Variants in MTUS2 observed in about 807,000 individuals in gnomAD.
MTUS2 encodes microtubule-associated tumor suppressor candidate 2.
A neutral mutation model predicts 114.1 loss-of-function variants in MTUS2; 40 were observed. That is an observed-to-expected ratio of 0.35 (90% CI 0.27 to 0.46). The LOEUF is 0.46. Ranked by LOEUF, MTUS2 falls within the 20% of genes least tolerant of loss-of-function variation. The pLI is 1.00. For synonymous variants in MTUS2, 688 were observed against 672.0 expected, an observed-to-expected ratio of 1.02 and a Z score of -0.37; for missense variants, 1,679 against 1,705.4, an observed-to-expected ratio of 0.98 and a Z score of 0.27.
At chr13:29,114,766 T>A (rs901128323) in intron 5 of MTUS2, among the ~76,000 whole-genome samples, 13 of 152,198 alleles carry the variant, frequency 8.5e-5, no homozygotes, top group African/African-American at 2.9e-4. Context: ...CAGGCAGGGA[T>A]GCAATGAGGG....
intron 2 of MTUS2, among the ~76,000 whole-genome samples, chr13:28,938,974 C>T (rs1325497733): frequency 6.6e-6 from 1 of 152,204 alleles, no homozygotes; most frequent in East Asian, 1.9e-4. Context: ...GATTTCTACA[C>T]TTGTAATTTC....
At chr13:29,137,322 G>T (rs1892021134) in intron 5 of MTUS2, among the ~76,000 whole-genome samples, 1 of 151,642 alleles carries the variant, frequency 6.6e-6, no homozygotes. Flanking sequence ...TCTTGGTGTG[G>T]GCCTCTTTGA....
intron 7 of MTUS2, among the ~76,000 whole-genome samples, chr13:29,353,312 G>T (rs779001778): frequency 3.3e-5 from 5 of 152,222 alleles, no homozygotes; most frequent in Non-Finnish European, 7.3e-5. Flanking sequence ...TAGGACTACA[G>T]GCACATGCCA....
chr13:29,421,885 G>A (rs1384861758), intron 8 of MTUS2, among the ~76,000 whole-genome samples: 1 of 152,184 alleles, frequency 6.6e-6, no homozygotes, highest in East Asian at 1.9e-4. Context: ...GCAGGGGAGG[G>A]AAAGGAATTC....
chr13:29,129,683 G>T (rs1891673560), intron 5 of MTUS2, among the ~76,000 whole-genome samples: 1 of 152,152 alleles, frequency 6.6e-6, no homozygotes, highest in Non-Finnish European at 1.5e-5. Flanking sequence ...TTTAGGTGAT[G>T]ATACGTGATT....
intron 5 of MTUS2, among the ~76,000 whole-genome samples, chr13:29,134,895 T>C (rs1179542336): frequency 1.3e-5 from 2 of 152,214 alleles, no homozygotes; most frequent in South Asian, 4.1e-4. Context: ...CAACACTTTT[T>C]ATTAATATAT....
Position 29,371,356 on chromosome 13 carries a change from T to C in MTUS2, c.3117+11883T>C, listed in dbSNP as rs1265592901. On this transcript the variant is annotated intron_variant, in intron 8 of 15. Transcript: ENST00000612955. ...CCTGAGCCTCCTGAGTAGCTGGGAT[T>C]ACAGGCGCCCGCCACCATGCCCAAC... 1.1e-4 allele frequency among the ~76,000 whole-genome samples: 16 copies of C among 150,358 alleles called. 1 individual carries two copies. Among genetic ancestry groups the C allele is most frequent in the Non-Finnish European group, 2.4e-4 (16 of 67,910 alleles).
chr13:28,937,347 C>G (rs1881961059), intron 2 of MTUS2, among the ~76,000 whole-genome samples: 1 of 151,508 alleles, frequency 6.6e-6, no homozygotes, highest in Admixed American at 6.6e-5. Context: ...CCAATCAGTG[C>G]TCTGTAAAAT....
chr13:29,156,068 A>G (rs1892847438), intron 5 of MTUS2, among the ~76,000 whole-genome samples: 1 of 152,126 alleles, frequency 6.6e-6, no homozygotes, highest in Non-Finnish European at 1.5e-5. Context: ...TGCAGAGTCT[A>G]TGAGTAAAGC....
chr13:29,351,577 C>G (rs1869275273), intron 7 of MTUS2, among the ~76,000 whole-genome samples: 1 of 151,896 alleles, frequency 6.6e-6, no homozygotes, highest in Non-Finnish European at 1.5e-5. Flanking sequence ...ACTACAAAGG[C>G]CACTACTGAT....
In MTUS2 at chr13:29,025,607, G is replaced by A; in HGVS notation, c.909G>A (p.Gln303=). 1 of 1,614,020 alleles carries A rather than the reference G, an allele frequency of 6.2e-7. No homozygotes were observed. Among genetic ancestry groups the A allele is most frequent in the Non-Finnish European group, 8.5e-7 (1 of 1,179,900 alleles). The change falls in exon 3 of 16, where the codon CAG becomes CAA. Residue 303 remains glutamine (Q), a synonymous_variant. Transcript: ENST00000612955. ...GTAAACTGGAAGCACAATTAGGTCA[G>A]GGAAAGGGAGAGGCCAAGCTGGATC... ...IPSKLEAQLG[Q]GKGEAKLDLK...
At chr13:28,916,126 TG>T (rs1880731610) in intron 2 of MTUS2, among the ~76,000 whole-genome samples, 1 of 152,008 alleles carries the variant, frequency 6.6e-6, no homozygotes, top group African/African-American at 2.4e-5. Context: ...GGGTTGTTTC[TG>T]GGTTCTCTAT....
At chr13:29,044,352 G>A (rs1409590837) in intron 4 of MTUS2, among the ~76,000 whole-genome samples, 13 of 152,082 alleles carry the variant, frequency 8.5e-5, no homozygotes, top group East Asian at 1.9e-4. Context: ...TTCTCTGGCT[G>A]CCTTAAAGAT....
chr13:29,213,454 A>C (rs1895540176), intron 5 of MTUS2, among the ~76,000 whole-genome samples: 1 of 152,182 alleles, frequency 6.6e-6, no homozygotes, highest in Non-Finnish European at 1.5e-5. Context: ...ATCAGACTAT[A>C]ATTGCAGACT....
chr13:29,164,877 G>GT (rs146341853), intron 5 of MTUS2, among the ~76,000 whole-genome samples: 10 of 152,160 alleles, frequency 6.6e-5, no homozygotes, highest in African/African-American at 1.9e-4. Context: ...TAATTAGATA[G>GT]TTTTTTCTGC....
chr13:29,239,544 A>AT (rs1896658580), intron 5 of MTUS2: 1 of 152,204 alleles, frequency 6.6e-6, no homozygotes, highest in Non-Finnish European at 1.5e-5. Context: ...CTTATTGGGA[A>AT]TGTATTACAG....
intron 5 of MTUS2, among the ~76,000 whole-genome samples, chr13:29,136,793 C>T (rs1020131170): frequency 6.6e-6 from 1 of 152,142 alleles, no homozygotes; most frequent in African/African-American, 2.4e-5. Flanking sequence ...ATTAATCTAG[C>T]AAATTAATCA....
intron 3 of MTUS2, among the ~76,000 whole-genome samples, chr13:29,029,070 G>T: frequency 6.6e-6 from 1 of 152,200 alleles, no homozygotes; most frequent in East Asian, 1.9e-4. Flanking sequence ...CTGACGAGGT[G>T]CCCCAACAAG....
chr13:29,371,514 G>A (rs931140743), intron 8 of MTUS2, among the ~76,000 whole-genome samples: 2 of 152,076 alleles, frequency 1.3e-5, no homozygotes, highest in Non-Finnish European at 2.9e-5. Flanking sequence ...CACTGTGCCC[G>A]GCCTCTTCAC....
Sources: allele counts gnomAD v4.1 joint callset (sites outside exome capture counted in the v4.1 genomes callset), GRCh38; gene constraint gnomAD v4.1.1; transcripts MANE v1.5; gene names NCBI Gene and HGNC (gene_info 2026-07-23, HGNC 2026-07-21).